TBR1: variants seen among roughly 807,000 people sequenced by gnomAD.
TBR1 encodes T-box brain transcription factor 1.
A neutral mutation model predicts 60.3 loss-of-function variants in TBR1; 7 were observed. The observed-to-expected ratio is 0.12, with a 90% CI of 0.07 to 0.22. TBR1 has a LOEUF of 0.22. Among genes scored for constraint, TBR1 ranks in the 10% least tolerant of loss-of-function variants. The pLI is 1.00. For synonymous variants in TBR1, 417 were observed against 409.9 expected, an observed-to-expected ratio of 1.02 and a Z score of -0.21; for missense variants, 616 against 936.8, an observed-to-expected ratio of 0.66 and a Z score of 4.47.
intron 4 of TBR1, chr2:161,419,670 A>G (rs1684196209): frequency 2.0e-5 from 3 of 152,638 alleles, no homozygotes; most frequent in Admixed American, 1.3e-4. Context: ...TTTGACTACT[A>G]GGAGTGATAG....
chr2:161,416,434 T>A lies in TBR1; in HGVS notation c.24T>A (p.Ser8=). 6 of 1,603,518 alleles carry A rather than the reference T, an allele frequency of 3.7e-6. No homozygotes were observed. Among genetic ancestry groups the A allele is most frequent in the Non-Finnish European group, 5.1e-6 (6 of 1,174,566 alleles). ...CTATGCAGCTGGAGCACTGCCTTTC[T>A]CCTTCTATCATGCTCTCCAAGAAAT... is the stretch of plus-strand genomic sequence containing the variant. MQLEHCL[S]PSIMLSKKFL... The change falls in exon 1 of 6, where the codon TCT becomes TCA. Residue 8 remains serine (S), a synonymous_variant. Transcript: ENST00000389554. The surrounding 1 kb of genome is among the most constrained non-coding windows in gnomAD (Gnocchi z 6.1).
Position 161,417,431 on chromosome 2 carries a change from C to T in TBR1, c.693-245C>T, listed in dbSNP as rs906880821. ...ACAGGTGGAGACGCAGGTCGCCAAC[C>T]TCGCTCTCCACCTGGGCAGTGATAA... On this transcript the variant is annotated intron_variant, in intron 1 of 5. Coordinates refer to ENST00000389554, the MANE Select transcript of TBR1 (RefSeq NM_006593.4). The surrounding 1 kb of genome is among the most constrained non-coding windows in gnomAD (Gnocchi z 5.3). 3.4e-6 allele frequency: 2 copies of T among 585,256 alleles called. No individual in the cohort carries two copies. The highest frequency in any genetic ancestry group is 5.9e-6 in the Non-Finnish European group (2 of 338,356). The allele number at this position is 585,256 out of a possible 1,614,324, so 36.3% of individuals were successfully genotyped here. A position where few individuals can be genotyped will look rare whatever the true frequency, so the allele number is the denominator to read the frequency against.
chr2:161,418,616 C>G (rs1684173735), intron 3 of TBR1: 1 of 551,730 alleles, frequency 1.8e-6, no homozygotes, highest in South Asian at 2.4e-5. Flanking sequence ...CTTTGTTCCT[C>G]CTTACAGGAG....
At chr2:161,419,104 C>T in intron 4 of TBR1, 54 bp downstream of exon 4, 2 of 1,610,030 alleles carry the variant, frequency 1.2e-6, no homozygotes, top group South Asian at 1.1e-5. Context: ...ATCTCTCCCA[C>T]CCTCTCACAT....
chr2:161,418,707 G>A (rs1684176208), intron 3 of TBR1, 185 bp from the exon 4 acceptor site: 2 of 786,634 alleles, frequency 2.5e-6, no homozygotes, highest in Admixed American at 3.7e-5. Context: ...GCTCCCAGAG[G>A]TGCGAAAGCC....
chr2:161,417,022 A>C lies in TBR1; in HGVS notation c.612A>C (p.Ala204=). 6.2e-7 allele frequency: 1 copy of C among 1,614,138 alleles called. No individual in the cohort carries two copies. Among genetic ancestry groups the C allele is most frequent in the Non-Finnish European group, 8.5e-7 (1 of 1,180,028 alleles). Residue 204 remains alanine (A), a synonymous_variant, in exon 1 of 6, where the codon GCA becomes GCC. Transcript: ENST00000389554. The surrounding 1 kb of genome is among the most constrained non-coding windows in gnomAD (Gnocchi z 5.3). ...STQPGLVPGK[A]QVYLCNRPLW... ...AGCCGGGGCTGGTGCCCGGCAAAGCACAGGTGTACCTGTGCAACAGGCCCC... is the reference window on the plus strand; with the variant it reads ...AGCCGGGGCTGGTGCCCGGCAAAGCCCAGGTGTACCTGTGCAACAGGCCCC...
chr2:161,423,597 C>A lies in TBR1; in HGVS notation c.1419C>A (p.Ala473=), dbSNP rs1235590342. The part of the protein sequence containing the change: ...HTNGLLSPQQ[A]EDPGAPSPQR... ...ACGGGCTGCTGTCGCCGCAGCAGGC[C>A]GAGGACCCGGGCGCGCCCTCGCCGC... The change falls in exon 6 of 6, where the codon GCC becomes GCA. Residue 473 remains alanine, a synonymous_variant. Coordinates refer to ENST00000389554, the MANE Select transcript of TBR1 (RefSeq NM_006593.4). 6.5e-7 allele frequency: 1 copy of A among 1,536,468 alleles called. No individual in the cohort carries two copies. The highest frequency in any genetic ancestry group is 1.2e-5 in the South Asian group (1 of 82,656).
Position 161,423,510 on chromosome 2 carries a change from C to T in TBR1, c.1332C>T (p.Arg444=), listed in dbSNP as rs771815431. 16 of 1,590,408 alleles carry T rather than the reference C, an allele frequency of 1.0e-5. No individual in the cohort carries two copies. The highest frequency in any genetic ancestry group is 1.3e-5 in the Non-Finnish European group (15 of 1,170,464). ...DQFVSNYAKA[R]FHPGAGAGPG... ...TCGTGAGCAACTACGCCAAGGCCCG[C>T]TTCCACCCGGGCGCGGGCGCGGGCC... Residue 444 remains arginine (R), a synonymous_variant, in exon 6 of 6, where the codon CGC becomes CGT. Coordinates refer to ENST00000389554, the MANE Select transcript of TBR1 (RefSeq NM_006593.4).
In TBR1 at chr2:161,424,972, C is replaced by G. The variant is rs553733930; in HGVS notation, c.*745C>G. 3.3e-5 allele frequency: 5 copies of G among 152,478 alleles called. No homozygotes were observed. In the South Asian group the frequency reaches 1.0e-3, roughly 32 times the overall value. The allele number at this position is 152,478 out of a possible 1,614,324, so 9.4% of individuals were successfully genotyped here. ...AAATACTCAGTAGTGATGGGTTTCC[C>G]ACTTCTCCTCAATCCGTTGCATGAA... On this transcript the variant is annotated 3_prime_UTR_variant, in exon 6 of 6. Transcript: ENST00000389554. This position sits in a 1 kb window ranked among gnomAD's most constrained non-coding sequence, Gnocchi z 4.4.
intron 3 of TBR1, 142 bp from the exon 4 acceptor site, chr2:161,418,750 C>T: frequency 8.6e-7 from 1 of 1,157,268 alleles, no homozygotes; most frequent in Non-Finnish European, 1.2e-6. Context: ...GCCAGCCAGG[C>T]GAGTCCCGCG....
chr2:161,418,180 A>T, intron 2 of TBR1, 21 bp from the exon 3 acceptor site: 1 of 1,607,958 alleles, frequency 6.2e-7, no homozygotes. Flanking sequence ...GCATATGTAA[A>T]CAATGTATTT....
Position 161,423,717 on chromosome 2 carries a change from G to A in TBR1, c.1539G>A (p.Leu513=). 2 of 1,527,270 alleles carry A rather than the reference G, an allele frequency of 1.3e-6. No individual in the cohort carries two copies. The highest frequency in any genetic ancestry group is 1.9e-5 in the Admixed American group (1 of 52,266). The allele number at this position is 1,527,270 out of a possible 1,614,324, so 94.6% of individuals were successfully genotyped here. A position where few individuals can be genotyped will look rare whatever the true frequency, so the allele number is the denominator to read the frequency against. The change falls in exon 6 of 6, where the codon CTG becomes CTA. Residue 513 remains leucine, a synonymous_variant. Coordinates refer to ENST00000389554, the MANE Select transcript of TBR1 (RefSeq NM_006593.4). ...ATDFAGNAAT[L]LSYAAAGVKA... The stretch of plus-strand genomic sequence containing the variant: ...ACTTCGCGGGCAACGCGGCCACGCT[G>A]CTCTCTTACGCGGCGGCGGGCGTGA...
intron 5 of TBR1, chr2:161,421,967 A>ACACACACACAC (rs1559061874): frequency 1.3e-5 from 1 of 76,210 alleles, no homozygotes; most frequent in African/African-American, 5.2e-5. Flanking sequence ...CACACACACA[A>ACACACACACAC]ACCTGAGATT....
chr2:161,416,321 T>C lies in TBR1; in HGVS notation c.-90T>C. On this transcript the variant is annotated 5_prime_UTR_variant, in exon 1 of 6. Coordinates refer to ENST00000389554, the MANE Select transcript of TBR1 (RefSeq NM_006593.4). The surrounding 1 kb of genome is among the most constrained non-coding windows in gnomAD (Gnocchi z 6.1). ...CATTTGCTGGTTGAAGTGCTTTCTG[T>C]CTAGTGAGGGGGTCTGTGGATTTCT... 9.4e-7 allele frequency: 1 copy of C among 1,067,488 alleles called. No individual in the cohort carries two copies. The highest frequency in any genetic ancestry group is 2.4e-5 in the East Asian group (1 of 41,758). 66.1% of individuals were successfully genotyped at this position (1,067,488 alleles called of 1,614,324 possible). A position where few individuals can be genotyped will look rare whatever the true frequency, so the allele number is the denominator to read the frequency against.
At position 161,425,528 on chromosome 2, in the gene TBR1, G is replaced by A. The variant is rs543558646; in HGVS notation, c.*1301G>A. On this transcript the variant is annotated 3_prime_UTR_variant, in exon 6 of 6. Transcript: ENST00000389554. ...CCCTAAGTCTTGTTATATTTGATAA[G>A]GAGCATTAATCCCCCTGGAAATAGA... 9.9e-5 allele frequency: 15 copies of A among 152,208 alleles called. No individual in the cohort carries two copies. The highest frequency in any genetic ancestry group is 3.6e-4 in the African/African-American group (15 of 41,516). 9.4% of individuals were successfully genotyped at this position (152,208 alleles called of 1,614,324 possible).
At chr2:161,418,130 G>C (rs1684163839) in intron 2 of TBR1, 71 bp from the exon 3 acceptor site, 1 of 1,512,028 alleles carries the variant, frequency 6.6e-7, no homozygotes, top group Non-Finnish European at 8.9e-7. Context: ...GTGTGTGTGT[G>C]TCCTACGTGG....
chr2:161,417,520 C>A lies in TBR1; in HGVS notation c.693-156C>A. On this transcript the variant is annotated intron_variant, in intron 1 of 5. Coordinates refer to ENST00000389554, the MANE Select transcript of TBR1 (RefSeq NM_006593.4). The surrounding 1 kb of genome is among the most constrained non-coding windows in gnomAD (Gnocchi z 5.3). ...TGATTTGGGTTGCACTTCTTTTCTTCTCCCACCACCCTTTTTCTAATCCAG... is the reference window on the plus strand; with the variant it reads ...TGATTTGGGTTGCACTTCTTTTCTTATCCCACCACCCTTTTTCTAATCCAG... 1 of 1,011,918 alleles carries A rather than the reference C, an allele frequency of 9.9e-7. No homozygotes were observed. 62.7% of individuals were successfully genotyped at this position (1,011,918 alleles called of 1,614,324 possible). A position where few individuals can be genotyped will look rare whatever the true frequency, so the allele number is the denominator to read the frequency against.
chr2:161,417,171 G>A lies in TBR1; in HGVS notation c.692+69G>A. The A allele has an allele frequency of 6.8e-7, 1 of 1,466,358 alleles. No individual in the cohort carries two copies. The highest frequency in any genetic ancestry group is 9.1e-7 in the Non-Finnish European group (1 of 1,095,096). 90.8% of individuals were successfully genotyped at this position (1,466,358 alleles called of 1,614,324 possible). A position where few individuals can be genotyped will look rare whatever the true frequency, so the allele number is the denominator to read the frequency against. On this transcript the variant is annotated intron_variant, in intron 1 of 5. Coordinates refer to ENST00000389554, the MANE Select transcript of TBR1 (RefSeq NM_006593.4). The surrounding 1 kb of genome is among the most constrained non-coding windows in gnomAD (Gnocchi z 5.3). ...GGACAAGTGCACCTAGGCTGTGACT[G>A]CCGCGGCAGCGACGATTTGGGGTCG...
intron 5 of TBR1, chr2:161,420,810 C>T (rs1244231442): frequency 6.6e-6 from 1 of 152,310 alleles, no homozygotes; most frequent in Non-Finnish European, 1.5e-5. Flanking sequence ...CAAATGTGCA[C>T]CCACCACAGG....
Sources: allele counts gnomAD v4.1 joint callset, GRCh38; gene constraint gnomAD v4.1.1; non-coding constraint Gnocchi (gnomAD v3.1); transcripts MANE v1.5; gene names NCBI Gene and HGNC (gene_info 2026-07-23, HGNC 2026-07-21).